UNC13C: variants seen among roughly 807,000 people sequenced by gnomAD.
UNC13C encodes protein unc-13 homolog C.
In UNC13C, 174 loss-of-function variants were observed where a neutral mutation model predicts 245.4. That is an observed-to-expected ratio of 0.71 (90% CI 0.63 to 0.80). The LOEUF is 0.80. Among genes scored for constraint, UNC13C ranks in the 30% least tolerant of loss-of-function variants. The pLI is 0.00. For synonymous variants in UNC13C, 992 were observed against 895.1 expected (o/e 1.11, Z -1.93); for missense variants, 2,829 against 2,602.9 (o/e 1.09, Z -1.89).
At chr15:54,113,779 T>C (rs1304644890) in intron 2 of UNC13C, among the ~76,000 whole-genome samples, 3 of 152,056 alleles carry the variant, frequency 2.0e-5, no homozygotes, top group African/African-American at 7.3e-5. Flanking sequence ...TGAGCCGAGA[T>C]CGCACCACTG....
chr15:53,854,122 G>GTTTTTTTGTTTTT, the UNC13C span, among the ~76,000 whole-genome samples: 10 of 133,568 alleles, frequency 7.5e-5, 1 homozygote, highest in Non-Finnish European at 7.9e-5. Context: ...GTTTTTATAG[G>GTTTTTTTGTTTTT]TTTTTTTTTT....
Position 54,549,626 on chromosome 15 carries a change from T to G in UNC13C, c.5821-9T>G, listed in dbSNP as rs755750841. 3.1e-6 allele frequency: 5 copies of G among 1,596,962 alleles called. No individual in the cohort carries two copies. The highest frequency in any genetic ancestry group is 1.7e-5 in the Admixed American group (1 of 57,144). On this transcript the variant is annotated splice_polypyrimidine_tract_variant and intron_variant, in intron 27 of 32. Coordinates refer to ENST00000260323, the MANE Select transcript of UNC13C (RefSeq NM_001080534.3). ...ACTGAGTCTTCTCTCACTTTTTCTT[T>G]GTTTCTAGGGACCCCAGATGATTTT...
intron 17 of UNC13C, among the ~76,000 whole-genome samples, chr15:54,361,093 A>G (rs1434179310): frequency 1.3e-5 from 2 of 152,100 alleles, no homozygotes; most frequent in African/African-American, 2.4e-5. Context: ...TTTTATTAAT[A>G]TTTGGTGAAA....
chr15:54,122,850 T>G (rs542836914), intron 2 of UNC13C, among the ~76,000 whole-genome samples: 1 of 152,226 alleles, frequency 6.6e-6, no homozygotes, highest in Non-Finnish European at 1.5e-5. Flanking sequence ...GTTTATACAT[T>G]CATGTGTTGA....
At chr15:54,055,676 G>C (rs1285334594) in intron 2 of UNC13C, among the ~76,000 whole-genome samples, 1 of 152,112 alleles carries the variant, frequency 6.6e-6, no homozygotes, top group African/African-American at 2.4e-5. Flanking sequence ...AGATTTCAAA[G>C]ACATCTTTGC....
At chr15:54,535,785 T>G (rs1895958192) in intron 26 of UNC13C, among the ~76,000 whole-genome samples, 1 of 152,162 alleles carries the variant, frequency 6.6e-6, no homozygotes, top group African/African-American at 2.4e-5. Flanking sequence ...CAAGTAATCC[T>G]TTGAAAATTG....
At chr15:54,143,707 A>G in intron 4 of UNC13C, 23 bp downstream of exon 4, 1 of 1,594,624 alleles carries the variant, frequency 6.3e-7, no homozygotes, top group Non-Finnish European at 8.6e-7. Context: ...ATACCTTTCT[A>G]ATTTATTCCA....
chr15:54,173,641 G>A (rs777846875), intron 4 of UNC13C, among the ~76,000 whole-genome samples: 4 of 151,668 alleles, frequency 2.6e-5, no homozygotes, highest in Non-Finnish European at 5.9e-5. Flanking sequence ...CTATGTATAT[G>A]CCCTTGTTAT....
chr15:54,417,340 C>G (rs1237915575), intron 19 of UNC13C, among the ~76,000 whole-genome samples: 1 of 152,096 alleles, frequency 6.6e-6, no homozygotes, highest in Non-Finnish European at 1.5e-5. Flanking sequence ...GGGAACATTC[C>G]AAGAGCTCAA....
intron 19 of UNC13C, among the ~76,000 whole-genome samples, chr15:54,423,573 G>A (rs2040697721): frequency 6.6e-6 from 1 of 151,726 alleles, no homozygotes; most frequent in South Asian, 2.1e-4. Flanking sequence ...GATATTCATG[G>A]TGAATGATCA....
intron 5 of UNC13C, among the ~76,000 whole-genome samples, chr15:54,235,792 G>C (rs973222017): frequency 6.6e-6 from 1 of 152,036 alleles, no homozygotes; most frequent in Non-Finnish European, 1.5e-5. Flanking sequence ...CGGAGCTTGC[G>C]TGAGCCGAGA....
At chr15:54,628,627 C>CT (rs1901352234), downstream of UNC13C, 1 of 152,546 alleles carries the variant, frequency 6.6e-6, no homozygotes, top group African/African-American at 2.4e-5. Flanking sequence ...TATCTTCTGC[C>CT]TTTTTATTTC....
chr15:54,143,135 A>C, intron 3 of UNC13C, 95 bp downstream of exon 3: 2 of 1,231,960 alleles, frequency 1.6e-6, no homozygotes, highest in Non-Finnish European at 2.3e-6. Flanking sequence ...CCTCTGTTTT[A>C]GTTTTGAAAT....
At chr15:54,531,951 T>A (rs1895760425) in intron 25 of UNC13C, among the ~76,000 whole-genome samples, 1 of 152,222 alleles carries the variant, frequency 6.6e-6, no homozygotes, top group South Asian at 2.1e-4. Context: ...TGTGACTGGC[T>A]TCTTTACTTA....
the UNC13C span, among the ~76,000 whole-genome samples, chr15:53,888,720 T>C: frequency 0.023 from 3,488 of 152,280 alleles, 151 homozygotes; most frequent in African/African-American, 0.08. Context: ...TTGAGTTGAT[T>C]TTTGTATAAG....
At chr15:54,123,237 T>C (rs994137798) in intron 2 of UNC13C, among the ~76,000 whole-genome samples, 1 of 151,930 alleles carries the variant, frequency 6.6e-6, no homozygotes, top group African/African-American at 2.4e-5. Flanking sequence ...ATTCATATAT[T>C]CTCTTGTACA....
chr15:54,154,976 T>C (rs949025988), intron 4 of UNC13C, among the ~76,000 whole-genome samples: 4 of 152,212 alleles, frequency 2.6e-5, no homozygotes, highest in African/African-American at 9.6e-5. Flanking sequence ...AGGTGCTCAG[T>C]TGTTAGAAAT....
At chr15:54,434,481 G>C (rs1218971228) in intron 19 of UNC13C, among the ~76,000 whole-genome samples, 1 of 152,028 alleles carries the variant, frequency 6.6e-6, no homozygotes, top group Non-Finnish European at 1.5e-5. Flanking sequence ...GGAGCAATGG[G>C]GAAAGTGTTC....
chr15:53,911,960 C>A, the UNC13C span: 1 of 152,374 alleles, frequency 6.6e-6, no homozygotes, highest in Non-Finnish European at 1.5e-5. Context: ...TATGGCAGCC[C>A]TTGGGGAGGC....
Sources: allele counts gnomAD v4.1 joint callset (sites outside exome capture counted in the v4.1 genomes callset), GRCh38; gene constraint gnomAD v4.1.1; transcripts MANE v1.5; gene names NCBI Gene and HGNC (gene_info 2026-07-23, HGNC 2026-07-21).